TGM4: variants seen among roughly 807,000 people sequenced by gnomAD.
TGM4 encodes protein-glutamine gamma-glutamyltransferase 4.
TGM4 carries 61 observed loss-of-function variants against 76.3 expected under a neutral mutation model. The ratio of observed to expected loss-of-function variants is 0.80; its 90% confidence interval spans 0.65 to 0.99. The LOEUF is 0.99. Ranked by LOEUF, TGM4 falls within the 50% of genes least tolerant of loss-of-function variation. The pLI, the probability that TGM4 is intolerant of heterozygous loss-of-function variation, is 0.00. For missense variants in TGM4, 794 were observed against 843.2 expected, an observed-to-expected ratio of 0.94 and a Z score of 0.72; for synonymous variants, 337 against 329.8, an observed-to-expected ratio of 1.02 and a Z score of -0.24.
rs1330077878 is a variant in TGM4 at position 44,903,783 on chromosome 3, G to A, written c.972-101G>A. ...CCAAACCCCTGAGAACAACCTCAGT[G>A]GGTCCCCGGTGATGAAGATGTCTCT... On this transcript the variant is annotated intron_variant, in intron 8 of 13. Transcript: ENST00000296125. The A allele has an allele frequency of 4.6e-6, 5 of 1,083,156 alleles. No homozygotes were observed. In the East Asian group the frequency reaches 1.2e-4, roughly 26 times the overall value. The allele number at this position is 1,083,156 out of a possible 1,614,324, so 67.1% of individuals were successfully genotyped here.
In TGM4 at chr3:44,889,170, T is replaced by TAAAAAAAAAAAAA. The variant is rs546432543; in HGVS notation, c.300+1397_301-1399dup. ...CAACACAGGGCTACCCCATCTCTAC[T>TAAAAAAAAAAAAA]AAAAAAAAAAAAAAAAAAAAAAAAA... On this transcript the variant is annotated intron_variant, in intron 3 of 13. Coordinates refer to ENST00000296125, the MANE Select transcript of TGM4 (RefSeq NM_003241.4). 17 of 40,266 alleles carry TAAAAAAAAAAAAA rather than the reference T, an allele frequency of 4.2e-4. 1 individual carries two copies. The highest frequency in any genetic ancestry group is 1.4e-3 in the African/African-American group (17 of 12,530). The allele number at this position is 40,266 out of a possible 1,614,324, so 2.5% of individuals were successfully genotyped here.
chr3:44,903,988 G>A lies in TGM4; in HGVS notation c.1075+1G>A, dbSNP rs1299951142. 6.2e-7 allele frequency: 1 copy of A among 1,613,500 alleles called. No homozygotes were observed. Among genetic ancestry groups the A allele is most frequent in the Admixed American group, 1.7e-5 (1 of 60,026 alleles). ...GCAACGCCGCAGGAGCGAAGCCAGG[G>A]TGAGTGGGTGGCAGGAAGGCGCTGG... On this transcript the variant is annotated splice_donor_variant, in intron 9 of 13. Transcript: ENST00000296125. LOFTEE classifies it high-confidence loss of function.
intron 13 of TGM4, among the ~76,000 whole-genome samples, chr3:44,912,141 T>C (rs1192082056): frequency 2.6e-5 from 4 of 152,260 alleles, no homozygotes; most frequent in Non-Finnish European, 5.9e-5. Flanking sequence ...GAACAGTTTG[T>C]ATTTTTTTAA....
intron 9 of TGM4, among the ~76,000 whole-genome samples, chr3:44,905,901 A>G (rs1001085733): frequency 6.6e-6 from 1 of 152,216 alleles, no homozygotes; most frequent in Non-Finnish European, 1.5e-5. Context: ...CAGGGAGTCT[A>G]AGTAGCATTT....
At chr3:44,912,224 G>A (rs562609963) in intron 13 of TGM4, among the ~76,000 whole-genome samples, 45 of 152,200 alleles carry the variant, frequency 3.0e-4, no homozygotes, top group African/African-American at 1.0e-3. Context: ...TTTCCTTTAC[G>A]GATACTGAAT....
rs897061435 is a variant in TGM4, at chr3:44,913,904, A to G, written c.*179A>G. The stretch of plus-strand genomic sequence containing the variant: ...GACCCACAAGGCCAGGTCCTGTGCT[A>G]TCACAGGGTCACCTCTTTTACAGTT... On this transcript the variant is annotated 3_prime_UTR_variant, in exon 14 of 14. Coordinates refer to ENST00000296125, the MANE Select transcript of TGM4 (RefSeq NM_003241.4). 2 of 724,020 alleles carry G rather than the reference A, an allele frequency of 2.8e-6. No individual in the cohort carries two copies. The highest frequency in any genetic ancestry group is 3.6e-5 in the African/African-American group (2 of 55,680). 44.8% of individuals were successfully genotyped at this position (724,020 alleles called of 1,614,324 possible). A position where few individuals can be genotyped will look rare whatever the true frequency, so the allele number is the denominator to read the frequency against.
At chr3:44,893,521 C>G in intron 4 of TGM4, 56 bp from the exon 5 acceptor site, 1 of 1,494,252 alleles carries the variant, frequency 6.7e-7, no homozygotes, top group Non-Finnish European at 9.3e-7. Context: ...CATTGGCAAG[C>G]CTGCTCCTGT....
chr3:44,885,287 T>C (rs1176293187), intron 1 of TGM4, 38 bp from the exon 2 acceptor site: 2 of 1,562,670 alleles, frequency 1.3e-6, no homozygotes, highest in Non-Finnish European at 1.7e-6. Flanking sequence ...ATAAACATTC[T>C]CTGTGCTCTC....
intron 6 of TGM4, 137 bp from the exon 7 acceptor site, chr3:44,901,387 T>A: frequency 9.4e-7 from 1 of 1,066,950 alleles, no homozygotes; most frequent in Non-Finnish European, 1.3e-6. Flanking sequence ...CCCCACCTGT[T>A]CTGGAAAGCC....
At position 44,887,566 on chromosome 3, in the gene TGM4, C is replaced by T. The variant is rs539172608; in HGVS notation, c.194-123C>T. ...AATTAGAGGGGCTGGAGCCAGGGGA[C>T]AAATGAGCCTGGAAAGGAGGGGTGG... On this transcript the variant is annotated intron_variant, in intron 2 of 13. Transcript: ENST00000296125. 129 of 787,576 alleles carry T rather than the reference C, an allele frequency of 1.6e-4. No individual in the cohort carries two copies. In the East Asian group the frequency reaches 3.4e-3, roughly 21 times the overall value. The allele number at this position is 787,576 out of a possible 1,614,324, so 48.8% of individuals were successfully genotyped here. A position where few individuals can be genotyped will look rare whatever the true frequency, so the allele number is the denominator to read the frequency against.
chr3:44,880,470 C>T (rs1252760474), intron 1 of TGM4, among the ~76,000 whole-genome samples: 1 of 152,298 alleles, frequency 6.6e-6, no homozygotes, highest in Admixed American at 6.5e-5. Flanking sequence ...CCCACAAGCA[C>T]TCTGGGAAGG....
intron 6 of TGM4, among the ~76,000 whole-genome samples, chr3:44,899,928 G>A (rs1699829968): frequency 6.6e-6 from 1 of 152,166 alleles, no homozygotes; most frequent in African/African-American, 2.4e-5. Flanking sequence ...CACAGCCTTT[G>A]TCACCTCATT....
chr3:44,894,873 T>G (rs1229035911), intron 5 of TGM4, among the ~76,000 whole-genome samples: 1 of 151,860 alleles, frequency 6.6e-6, no homozygotes, highest in Non-Finnish European at 1.5e-5. Context: ...CAGCATCCTC[T>G]CCTCACACAT....
chr3:44,890,408 G>C, intron 3 of TGM4, 195 bp from the exon 4 acceptor site: 1 of 666,238 alleles, frequency 1.5e-6, no homozygotes, highest in Admixed American at 2.7e-5. Context: ...GCTGTATGGA[G>C]CTGCTTTTCT....
chr3:44,893,754 C>A, intron 5 of TGM4, 59 bp downstream of exon 5: 1 of 1,415,608 alleles, frequency 7.1e-7, no homozygotes, highest in Non-Finnish European at 1.0e-6. Flanking sequence ...ACCCTTTTAG[C>A]TGGGTAGTAG....
intron 8 of TGM4, among the ~76,000 whole-genome samples, chr3:44,903,275 T>G (rs1699878441): frequency 6.6e-6 from 1 of 152,054 alleles, no homozygotes; most frequent in Non-Finnish European, 1.5e-5. Context: ...CAATACCCTG[T>G]GGATACCGAG....
intron 6 of TGM4, 50 bp from the exon 7 acceptor site, chr3:44,901,474 C>A: frequency 3.2e-6 from 5 of 1,543,706 alleles, no homozygotes; most frequent in Non-Finnish European, 4.4e-6. Flanking sequence ...CTGGCAGCAC[C>A]TTGTTCTTCT....
At chr3:44,908,450 G>C (rs558493848) in intron 10 of TGM4, among the ~76,000 whole-genome samples, 1 of 151,710 alleles carries the variant, frequency 6.6e-6, no homozygotes, top group African/African-American at 2.4e-5. Context: ...CAGGGAGGGA[G>C]GGAAAGGATA....
chr3:44,885,546 G>C (rs1162944616), intron 2 of TGM4, 48 bp downstream of exon 2: 3 of 1,577,942 alleles, frequency 1.9e-6, no homozygotes, highest in Non-Finnish European at 1.7e-6. Context: ...GGGATCACAA[G>C]TGTCTGTGGA....
Sources: gnomAD v4.1 joint callset for allele counts (sites outside exome capture counted in the v4.1 genomes callset) on GRCh38, gnomAD v4.1.1 for gene constraint, MANE v1.5 for transcripts, NCBI Gene and HGNC (gene_info 2026-07-23, HGNC 2026-07-21) for gene names.